The following NELL2 variants were observed in gnomAD, a reference collection of about 807,000 sequenced individuals.
NELL2 encodes protein kinase C-binding protein NELL2.
Under a neutral mutation model 109.6 loss-of-function variants are expected in NELL2, and 41 were observed. The ratio of observed to expected loss-of-function variants is 0.37; its 90% confidence interval spans 0.29 to 0.49. The LOEUF (loss-of-function observed/expected upper bound fraction) is 0.49. Among genes scored for constraint, NELL2 ranks in the 20% least tolerant of loss-of-function variants. NELL2 has a pLI of 0.98. For synonymous variants in NELL2, 355 were observed against 344.7 expected (o/e 1.03, Z -0.33); for missense variants, 900 against 1,008.3 (o/e 0.89, Z 1.45).
At chr12:44,731,392 C>G (rs1040289276) in intron 9 of NELL2, among the ~76,000 whole-genome samples, 2 of 150,170 alleles carry the variant, frequency 1.3e-5, no homozygotes, top group Non-Finnish European at 2.9e-5. Context: ...AAGGATTATA[C>G]ACCATGATAA....
intron 7 of NELL2, 31 bp downstream of exon 7, chr12:44,777,011 C>T (rs1375879008): frequency 6.9e-6 from 11 of 1,593,918 alleles, no homozygotes; most frequent in East Asian, 4.5e-5. Context: ...GATTTTTAAG[C>T]TTCCACACTG....
chr12:44,916,757 A>G (rs1945832040), upstream of NELL2, among the ~76,000 whole-genome samples: 1 of 152,140 alleles, frequency 6.6e-6, no homozygotes, highest in Admixed American at 6.5e-5. Flanking sequence ...CACTTTTTGA[A>G]CACCAGTACC....
intron 2 of NELL2, among the ~76,000 whole-genome samples, chr12:44,874,595 AAT>A (rs1271678927): frequency 6.6e-6 from 1 of 152,226 alleles, no homozygotes; most frequent in East Asian, 1.9e-4. Flanking sequence ...AATTAATGAT[AAT>A]ATGAGATACA....
At chr12:44,593,199 C>T (rs10785510) in intron 15 of NELL2, among the ~76,000 whole-genome samples, 32,296 of 151,926 alleles carry the variant, frequency 0.21, 3,548 homozygotes, top group South Asian at 0.33. Context: ...GGAGAGGTGT[C>T]GAGATAGAAT....
intron 15 of NELL2, among the ~76,000 whole-genome samples, chr12:44,559,095 G>A (rs1943371200): frequency 6.6e-6 from 1 of 152,122 alleles, no homozygotes; most frequent in Admixed American, 6.6e-5. Flanking sequence ...ATGAGTGAAG[G>A]AGAAATAAAA....
In NELL2 at chr12:44,744,236, T is replaced by C. The variant is rs1592444874; in HGVS notation, c.995-29495A>G. ...AATGAAATGAAGGCAGAAATAAAGATGTTCTTTGAAACCAACGAGAACAAA... is the reference window on the plus strand; with the variant it reads ...AATGAAATGAAGGCAGAAATAAAGACGTTCTTTGAAACCAACGAGAACAAA... On this transcript the variant is annotated intron_variant, in intron 9 of 19. Coordinates refer to ENST00000429094, the MANE Select transcript of NELL2 (RefSeq NM_001145108.2). 2.6e-5 allele frequency among the ~76,000 whole-genome samples: 4 copies of C among 152,238 alleles called. 1 individual carries two copies. In the East Asian group the frequency reaches 7.7e-4, roughly 29 times the overall value.
chr12:44,644,580 GTATATA>G (rs138161908), intron 13 of NELL2, among the ~76,000 whole-genome samples: 8 of 84,388 alleles, frequency 9.5e-5, no homozygotes, highest in South Asian at 4.2e-4. Context: ...ACAAAGTAAA[GTATATA>G]TATATATATA....
At chr12:44,623,944 C>T (rs1188358357) in intron 13 of NELL2, among the ~76,000 whole-genome samples, 3 of 152,006 alleles carry the variant, frequency 2.0e-5, no homozygotes. Context: ...AATGAGAACA[C>T]ATGGACACAG....
chr12:44,845,531 G>A (rs1944344849), intron 2 of NELL2, among the ~76,000 whole-genome samples: 1 of 152,216 alleles, frequency 6.6e-6, no homozygotes, highest in African/African-American at 2.4e-5. Flanking sequence ...AGAGTTAGTG[G>A]CTACCATATT....
intron 12 of NELL2, among the ~76,000 whole-genome samples, chr12:44,684,209 C>T (rs1196863230): frequency 2.6e-5 from 4 of 152,130 alleles, no homozygotes; most frequent in Admixed American, 6.5e-5. Flanking sequence ...TTTGCATAGA[C>T]GTGTTTGTAG....
At chr12:44,653,080 G>A (rs1347282627) in intron 13 of NELL2, among the ~76,000 whole-genome samples, 1 of 152,140 alleles carries the variant, frequency 6.6e-6, no homozygotes, top group Non-Finnish European at 1.5e-5. Context: ...GCCACGTAAG[G>A]TAGCATATTA....
intron 9 of NELL2, among the ~76,000 whole-genome samples, chr12:44,753,761 G>A (rs1194609259): frequency 6.6e-6 from 1 of 152,172 alleles, no homozygotes; most frequent in Non-Finnish European, 1.5e-5. Flanking sequence ...ATATGAACTA[G>A]TATTACAATG....
chr12:44,595,112 T>C (rs1486865067), intron 15 of NELL2, among the ~76,000 whole-genome samples: 1 of 152,176 alleles, frequency 6.6e-6, no homozygotes, highest in Non-Finnish European at 1.5e-5. Context: ...ATCTGTTAGA[T>C]TGATGGATTT....
At chr12:44,768,746 G>A (rs1941433999) in intron 9 of NELL2, among the ~76,000 whole-genome samples, 1 of 142,348 alleles carries the variant, frequency 7.0e-6, no homozygotes, top group African/African-American at 2.6e-5. Context: ...TCTTTTGATT[G>A]CTACTTCTAC....
At chr12:44,574,076 T>A (rs1429508629) in intron 15 of NELL2, among the ~76,000 whole-genome samples, 1 of 152,016 alleles carries the variant, frequency 6.6e-6, no homozygotes, top group African/African-American at 2.4e-5. Flanking sequence ...TTTTTATTTT[T>A]TTTTTGAGAT....
At chr12:44,678,414 C>T (rs369725468) in intron 12 of NELL2, among the ~76,000 whole-genome samples, 2 of 151,980 alleles carry the variant, frequency 1.3e-5, no homozygotes, top group South Asian at 4.1e-4. Context: ...GGCATATCAG[C>T]ATTTAGCATG....
At chr12:44,574,288 A>T (rs1022552597) in intron 15 of NELL2, among the ~76,000 whole-genome samples, 10 of 151,972 alleles carry the variant, frequency 6.6e-5, no homozygotes, top group African/African-American at 2.4e-4. Context: ...TATTTTTATT[A>T]TATGTTCACC....
chr12:44,542,861 T>TGTAG (rs1285141992), intron 15 of NELL2, among the ~76,000 whole-genome samples: 1 of 152,148 alleles, frequency 6.6e-6, no homozygotes. Flanking sequence ...TCTGGAGTTA[T>TGTAG]GTAGGTGTAC....
intron 3 of NELL2, among the ~76,000 whole-genome samples, chr12:44,789,086 G>A (rs549318794): frequency 3.9e-5 from 6 of 152,188 alleles, no homozygotes; most frequent in African/African-American, 1.4e-4. Flanking sequence ...TGAAGACAAA[G>A]GACATATACT....
Sources: allele counts gnomAD v4.1 joint callset (sites outside exome capture counted in the v4.1 genomes callset), GRCh38; gene constraint gnomAD v4.1.1; transcripts MANE v1.5; gene names NCBI Gene and HGNC (gene_info 2026-07-23, HGNC 2026-07-21).